PCGF5: variants seen among roughly 807,000 people sequenced by gnomAD.
PCGF5 encodes the protein polycomb group RING finger protein 5.
Under a neutral mutation model 44.3 loss-of-function variants are expected in PCGF5, and 9 were observed. The ratio of observed to expected loss-of-function variants is 0.20; its 90% CI spans 0.12 to 0.35. The LOEUF (loss-of-function observed/expected upper bound fraction) is 0.35. Ranked by LOEUF, PCGF5 falls within the 10% of genes least tolerant of loss-of-function variation. The pLI is 1.00. For missense variants in PCGF5, 146 were observed against 305.3 expected (o/e 0.48, Z 3.89); for synonymous variants, 95 against 102.5 (o/e 0.93, Z 0.44).
chr10:91,181,571 G>C (rs904781563), intron 1 of PCGF5, among the ~76,000 whole-genome samples: 1 of 152,184 alleles, frequency 6.6e-6, no homozygotes, highest in Non-Finnish European at 1.5e-5. Context: ...AACATGAATG[G>C]ATGTTGAATT....
intron 6 of PCGF5, among the ~76,000 whole-genome samples, chr10:91,259,480 A>G (rs1173926499): frequency 6.6e-6 from 1 of 152,226 alleles, no homozygotes; most frequent in Non-Finnish European, 1.5e-5. Flanking sequence ...ACTAAAGTTC[A>G]TATGGAACCA....
At chr10:91,195,485 T>TGCATGCATATATATATATATAG in intron 1 of PCGF5, among the ~76,000 whole-genome samples, 1 of 113,484 alleles carries the variant, frequency 8.8e-6, no homozygotes, top group South Asian at 3.3e-4. Flanking sequence ...TATATATATA[T>TGCATGCATATATATATATATAG]AGAGAGAGAG....
chr10:91,189,388 A>T (rs1843989733), intron 1 of PCGF5, among the ~76,000 whole-genome samples: 1 of 152,232 alleles, frequency 6.6e-6, no homozygotes, highest in African/African-American at 2.4e-5. Context: ...ATCCCAGTTT[A>T]CAACATGGTG....
chr10:91,178,468 C>G (rs1029242377), intron 1 of PCGF5, among the ~76,000 whole-genome samples: 3 of 151,362 alleles, frequency 2.0e-5, no homozygotes, highest in Non-Finnish European at 2.9e-5. Flanking sequence ...TAGCTCACAG[C>G]AGCCTTGACT....
intron 1 of PCGF5, among the ~76,000 whole-genome samples, chr10:91,207,975 C>A (rs1180186297): frequency 6.6e-6 from 1 of 152,038 alleles, no homozygotes; most frequent in Admixed American, 6.5e-5. Flanking sequence ...GTACCTTTTC[C>A]CCTTTGTAAT....
intron 7 of PCGF5, among the ~76,000 whole-genome samples, chr10:91,263,802 T>G (rs1468453795): frequency 6.6e-6 from 1 of 152,170 alleles, no homozygotes; most frequent in Admixed American, 6.6e-5. Context: ...TGCAAATCAC[T>G]GACCAGGCAA....
In PCGF5 at chr10:91,230,615, AT is replaced by A. The variant is rs1328528277; in HGVS notation, c.112+7635del. Among the ~76,000 whole-genome samples, 10 of 152,154 alleles carry A rather than the reference AT, an allele frequency of 6.6e-5. No homozygotes were observed. In the East Asian group the frequency reaches 1.7e-3, roughly 27 times the overall value. On this transcript the variant is annotated intron_variant, in intron 2 of 9. Transcript: ENST00000336126. Reference sequence around the variant, plus strand: ...TTTAGTTTATATTGAACTAACATTTATTTATTTAGAGACAGGGTCTCACTCT... The same window carrying A: ...TTTAGTTTATATTGAACTAACATTTATTATTTAGAGACAGGGTCTCACTCT...
intron 8 of PCGF5, among the ~76,000 whole-genome samples, chr10:91,271,121 AAT>A (rs201038324): frequency 6.6e-6 from 1 of 150,772 alleles, no homozygotes; most frequent in Non-Finnish European, 1.5e-5. Context: ...TATATAATCT[AAT>A]ATATATATAA....
upstream of PCGF5, among the ~76,000 whole-genome samples, chr10:91,161,532 T>G (rs1843383033): frequency 2.0e-5 from 3 of 152,234 alleles, no homozygotes; most frequent in African/African-American, 7.2e-5. Flanking sequence ...TCATGTCTAC[T>G]TTTTCATGAT....
At chr10:91,192,145 G>A (rs1171578716) in intron 1 of PCGF5, among the ~76,000 whole-genome samples, 1 of 152,134 alleles carries the variant, frequency 6.6e-6, no homozygotes, top group African/African-American at 2.4e-5. Flanking sequence ...ACTTAAGCAA[G>A]TCTCACTCAT....
chr10:91,216,140 T>C (rs1844534730), upstream of PCGF5, among the ~76,000 whole-genome samples: 1 of 152,236 alleles, frequency 6.6e-6, no homozygotes, highest in Admixed American at 6.5e-5. Context: ...TCCAGATGAG[T>C]AAATCAGATA....
At chr10:91,274,766 T>C (rs1190900455) in intron 9 of PCGF5, among the ~76,000 whole-genome samples, 1 of 152,210 alleles carries the variant, frequency 6.6e-6, no homozygotes, top group Admixed American at 6.5e-5. Flanking sequence ...GGTAGAGCAC[T>C]GAAGCCTGAG....
chr10:91,240,117 G>A (rs1845284359), intron 2 of PCGF5, among the ~76,000 whole-genome samples: 1 of 152,014 alleles, frequency 6.6e-6, no homozygotes. Context: ...GTTTAGCAAA[G>A]GAAATAAATG....
chr10:91,163,294 GCGCGGAAAGGGGCTGGAGGCA>G (rs1448334181), intron 1 of PCGF5, among the ~76,000 whole-genome samples: 1 of 151,038 alleles, frequency 6.6e-6, no homozygotes, highest in Non-Finnish European at 1.5e-5. Flanking sequence ...GGCTGGCGGC[GCGCGGAAAGGGGCTGGAGGCA>G]CGGCGGGGCC....
At chr10:91,216,598 A>G (rs1844544964), upstream of PCGF5, among the ~76,000 whole-genome samples, 1 of 152,220 alleles carries the variant, frequency 6.6e-6, no homozygotes, top group African/African-American at 2.4e-5. Flanking sequence ...GGCAGAAAAG[A>G]GCTGTAGGAA....
chr10:91,234,452 G>A (rs1404142109), intron 2 of PCGF5, among the ~76,000 whole-genome samples: 1 of 152,196 alleles, frequency 6.6e-6, no homozygotes, highest in African/African-American at 2.4e-5. Context: ...GTGAAGAAAT[G>A]TGTCTTAAAT....
intron 1 of PCGF5, among the ~76,000 whole-genome samples, chr10:91,164,328 G>C (rs575428133): frequency 6.6e-6 from 1 of 152,214 alleles, no homozygotes; most frequent in African/African-American, 2.4e-5. Flanking sequence ...CTAACTTTTG[G>C]GGGGTCAGGG....
At chr10:91,240,332 G>A in intron 2 of PCGF5, 152 bp from the exon 3 acceptor site, 1 of 511,310 alleles carries the variant, frequency 2.0e-6, no homozygotes, top group South Asian at 2.6e-5. Context: ...TGTTATTACA[G>A]TGTTACAATT....
At chr10:91,180,183 T>G (rs1026387271) in intron 1 of PCGF5, among the ~76,000 whole-genome samples, 1 of 152,218 alleles carries the variant, frequency 6.6e-6, no homozygotes, top group African/African-American at 2.4e-5. Context: ...TTGCCCACTT[T>G]TTAATGGAGT....
Sources: gnomAD v4.1 joint callset for allele counts (sites outside exome capture counted in the v4.1 genomes callset) on GRCh38, gnomAD v4.1.1 for gene constraint, MANE v1.5 for transcripts, NCBI Gene and HGNC (gene_info 2026-07-23, HGNC 2026-07-21) for gene names.